Variants in ALK observed in about 807,000 individuals in gnomAD.
The protein encoded by ALK is ALK tyrosine kinase receptor.
Under a neutral mutation model 163.1 loss-of-function variants are expected in ALK, and 74 were observed. The ratio of observed to expected loss-of-function variants is 0.45; its 90% CI spans 0.38 to 0.55. The LOEUF (loss-of-function observed/expected upper bound fraction) is 0.55. Among genes scored for constraint, ALK ranks in the 20% least tolerant of loss-of-function variants. The pLI is 0.00. For synonymous variants in ALK, 960 were observed against 843.2 expected, an observed-to-expected ratio of 1.14 and a Z score of -2.40; for missense variants, 2,063 against 2,105.3, an observed-to-expected ratio of 0.98 and a Z score of 0.39.
At chr2:29,833,742 T>G (rs1665483983) in intron 1 of ALK, among the ~76,000 whole-genome samples, 1 of 152,212 alleles carries the variant, frequency 6.6e-6, no homozygotes, top group Non-Finnish European at 1.5e-5. Flanking sequence ...TCATAGGTGG[T>G]AGATTCAGGA....
chr2:29,580,027 CCAAA>C (rs1674634501), intron 3 of ALK, among the ~76,000 whole-genome samples: 1 of 152,122 alleles, frequency 6.6e-6, no homozygotes, highest in Admixed American at 6.5e-5. Context: ...CAACCACTGC[CCAAA>C]CAGCCACAGA....
intron 4 of ALK, among the ~76,000 whole-genome samples, chr2:29,523,851 G>A (rs1672879201): frequency 2.3e-5 from 3 of 133,188 alleles, no homozygotes; most frequent in African/African-American, 8.6e-5. Context: ...ACTGGCAGAA[G>A]CTGAAGGTTT....
chr2:29,363,572 T>C (rs12714276), intron 5 of ALK, among the ~76,000 whole-genome samples: 48,828 of 152,026 alleles, frequency 0.32, 8,156 homozygotes, highest in Middle Eastern at 0.38. Context: ...GCCAGGACTG[T>C]ATGGCTACCT....
intron 2 of ALK, among the ~76,000 whole-genome samples, chr2:29,713,460 C>T (rs904986106): frequency 2.0e-5 from 3 of 152,164 alleles, no homozygotes; most frequent in Admixed American, 6.5e-5. Flanking sequence ...GGTTGAATTA[C>T]TTGGCCTGCC....
chr2:29,288,892 C>T lies in ALK; in HGVS notation c.1817+7996G>A, dbSNP rs182071134. On this transcript the variant is annotated intron_variant, in intron 9 of 28. Coordinates refer to ENST00000389048, the MANE Select transcript of ALK (RefSeq NM_004304.5). ...GCTTGAACCCAGGAGGTGGAGGTTGCAATGAGCTGAGATGGTGCCACTGCA... is the reference window on the plus strand; with the variant it reads ...GCTTGAACCCAGGAGGTGGAGGTTGTAATGAGCTGAGATGGTGCCACTGCA... 6.8e-3 allele frequency among the ~76,000 whole-genome samples: 975 copies of T among 144,166 alleles called. 9 individuals carry two copies. Among genetic ancestry groups the T allele is most frequent in the Non-Finnish European group, 8.4e-3 (558 of 66,724 alleles). 94.6% of individuals were successfully genotyped at this position (144,166 alleles called of 152,430 possible). A position where few individuals can be genotyped will look rare whatever the true frequency, so the allele number is the denominator to read the frequency against.
chr2:29,600,663 G>T (rs1048807538), intron 3 of ALK, among the ~76,000 whole-genome samples: 4 of 152,186 alleles, frequency 2.6e-5, no homozygotes, highest in Non-Finnish European at 5.9e-5. Context: ...CGATTGCATG[G>T]TGGGGGTGGC....
intron 1 of ALK, among the ~76,000 whole-genome samples, chr2:29,867,401 A>G (rs145875342): frequency 2.0e-5 from 3 of 152,220 alleles, no homozygotes; most frequent in Admixed American, 6.5e-5. Context: ...TATTAAAAAT[A>G]GTCAAAATGG....
At chr2:29,203,254 TCTGA>T (rs1270187065) in intron 26 of ALK, among the ~76,000 whole-genome samples, 1 of 152,090 alleles carries the variant, frequency 6.6e-6, no homozygotes, top group Non-Finnish European at 1.5e-5. Flanking sequence ...GAAAGGCAGC[TCTGA>T]CTATTTGTGG....
chr2:29,546,770 T>G (rs1440715378), intron 3 of ALK, among the ~76,000 whole-genome samples: 1 of 152,124 alleles, frequency 6.6e-6, no homozygotes, highest in Non-Finnish European at 1.5e-5. Context: ...GGGCATTCCA[T>G]TGATTTTTTT....
In ALK at chr2:29,878,413, A is replaced by G. The variant is rs1666776102; in HGVS notation, c.667+41580T>C. ...TCACAACATTCCTGCAGTCATTTGT[A>G]TTTTATAGATTGAGAAACTGAGGCT... On this transcript the variant is annotated intron_variant, in intron 1 of 28. Transcript: ENST00000389048. Among the ~76,000 whole-genome samples, 3 of 152,206 alleles carry G rather than the reference A, an allele frequency of 2.0e-5. No individual in the cohort carries two copies. In the South Asian group the frequency reaches 6.2e-4, roughly 31 times the overall value.
At chr2:29,372,998 T>A (rs1321242297) in intron 5 of ALK, among the ~76,000 whole-genome samples, 1 of 152,184 alleles carries the variant, frequency 6.6e-6, no homozygotes, top group African/African-American at 2.4e-5. Context: ...GCCACATTTT[T>A]TTTAAGGAAC....
chr2:29,365,325 G>T (rs541551934), intron 5 of ALK, among the ~76,000 whole-genome samples: 2 of 152,340 alleles, frequency 1.3e-5, no homozygotes, highest in East Asian at 3.9e-4. Flanking sequence ...TCAGGGAGAT[G>T]AAATGAGATT....
At chr2:29,813,243 T>C (rs572309873) in intron 1 of ALK, among the ~76,000 whole-genome samples, 59 of 152,214 alleles carry the variant, frequency 3.9e-4, no homozygotes, top group Non-Finnish European at 7.2e-4. Flanking sequence ...GGTTCCGCAC[T>C]GTGCCAGGCA....
intron 3 of ALK, among the ~76,000 whole-genome samples, chr2:29,631,397 C>G (rs1345732606): frequency 1.3e-5 from 2 of 152,206 alleles, no homozygotes; most frequent in Non-Finnish European, 2.9e-5. Context: ...ATGGAGGAGC[C>G]TCTGCTTCTG....
chr2:29,291,660 C>A (rs1444183869), intron 9 of ALK, among the ~76,000 whole-genome samples: 4 of 152,200 alleles, frequency 2.6e-5, no homozygotes, highest in Non-Finnish European at 4.4e-5. Flanking sequence ...TAGCTCTAAT[C>A]ATCATTTATA....
chr2:29,400,388 G>T (rs1300764815), intron 4 of ALK, among the ~76,000 whole-genome samples: 1 of 152,146 alleles, frequency 6.6e-6, no homozygotes, highest in Non-Finnish European at 1.5e-5. Context: ...TGTATTGGGA[G>T]ATCCATGCTC....
intron 1 of ALK, among the ~76,000 whole-genome samples, chr2:29,810,709 C>T (rs548159409): frequency 2.2e-4 from 33 of 152,262 alleles, no homozygotes; most frequent in African/African-American, 7.9e-4. Context: ...CCTTTTCTGG[C>T]TGTCTCTTAG....
chr2:29,636,294 G>A (rs1361485227), intron 3 of ALK, among the ~76,000 whole-genome samples: 1 of 151,026 alleles, frequency 6.6e-6, no homozygotes, highest in African/African-American at 2.4e-5. Flanking sequence ...AATAATAAAT[G>A]GTCTTGGAGC....
In ALK at chr2:29,227,717, C is replaced by T. The variant is rs773701154; in HGVS notation, c.2816-45G>A. ...AGAGTTTAACATGGGGGGTGGGTGC[C>T]AAAATCTTAACACACACACACGTCA... On this transcript the variant is annotated intron_variant, in intron 16 of 28. Coordinates refer to ENST00000389048, the MANE Select transcript of ALK (RefSeq NM_004304.5). The surrounding 1 kb of genome is among the most constrained non-coding windows in gnomAD (Gnocchi z 4.4). 2 of 1,498,260 alleles carry T rather than the reference C, an allele frequency of 1.3e-6. No homozygotes were observed. The highest frequency in any genetic ancestry group is 3.3e-5 in the Admixed American group (2 of 59,832). 92.8% of individuals were successfully genotyped at this position (1,498,260 alleles called of 1,614,324 possible). A position where few individuals can be genotyped will look rare whatever the true frequency, so the allele number is the denominator to read the frequency against.
Sources: allele counts gnomAD v4.1 joint callset (sites outside exome capture counted in the v4.1 genomes callset), GRCh38; gene constraint gnomAD v4.1.1; non-coding constraint Gnocchi (gnomAD v3.1); transcripts MANE v1.5; gene names NCBI Gene and HGNC (gene_info 2026-07-23, HGNC 2026-07-21).